Variants in OPCML observed in about 807,000 individuals in gnomAD.
The protein encoded by OPCML is opioid binding protein/cell adhesion molecule like.
A neutral mutation model predicts 37.8 loss-of-function variants in OPCML; 13 were observed. The ratio of observed to expected loss-of-function variants is 0.34; its 90% CI spans 0.22 to 0.55. OPCML has a LOEUF of 0.55. Ranked by LOEUF, OPCML falls within the 20% of genes least tolerant of loss-of-function variation. The pLI is 0.91. For missense variants in OPCML, 341 were observed against 435.6 expected, an observed-to-expected ratio of 0.78 and a Z score of 1.93; for synonymous variants, 176 against 168.8, an observed-to-expected ratio of 1.04 and a Z score of -0.33.
chr11:132,472,315 A>G (rs1003878908), intron 4 of OPCML, among the ~76,000 whole-genome samples: 1 of 152,172 alleles, frequency 6.6e-6, no homozygotes, highest in African/African-American at 2.4e-5. Context: ...TAAGCACTCC[A>G]CAAAAATCTG....
At chr11:132,817,984 C>T (rs1220191898) in intron 2 of OPCML, among the ~76,000 whole-genome samples, 1 of 152,174 alleles carries the variant, frequency 6.6e-6, no homozygotes, top group Non-Finnish European at 1.5e-5. Flanking sequence ...TCTAAGTTGA[C>T]ATCTGATAGA....
At chr11:133,098,943 A>G (rs1352928220) in intron 1 of OPCML, among the ~76,000 whole-genome samples, 1 of 152,222 alleles carries the variant, frequency 6.6e-6, no homozygotes, top group Admixed American at 6.5e-5. Flanking sequence ...ACAACAACAA[A>G]AAAGAGAAAC....
intron 2 of OPCML, among the ~76,000 whole-genome samples, chr11:132,839,772 C>G (rs988189235): frequency 6.6e-6 from 1 of 152,168 alleles, no homozygotes; most frequent in East Asian, 1.9e-4. Context: ...GTTGCTTTTT[C>G]AATTATTCGG....
At chr11:132,889,776 T>C (rs1296052229) in intron 2 of OPCML, among the ~76,000 whole-genome samples, 1 of 152,342 alleles carries the variant, frequency 6.6e-6, no homozygotes, top group Middle Eastern at 3.4e-3. Context: ...ATGAGGTTTG[T>C]CTGAATAAAT....
intron 2 of OPCML, among the ~76,000 whole-genome samples, chr11:132,868,169 C>T (rs1192912039): frequency 2.0e-5 from 3 of 151,972 alleles, no homozygotes; most frequent in Non-Finnish European, 4.4e-5. Flanking sequence ...AACTGAGGCA[C>T]CAAGAGCTGC....
chr11:133,282,447 C>T (rs1157834754), intron 1 of OPCML, among the ~76,000 whole-genome samples: 2 of 152,220 alleles, frequency 1.3e-5, no homozygotes, highest in Non-Finnish European at 2.9e-5. Flanking sequence ...ATGAAGGAAG[C>T]CTGGCAGCTT....
intron 1 of OPCML, among the ~76,000 whole-genome samples, chr11:133,204,090 G>GAAAAAAA (rs1938929504): frequency 8.9e-6 from 1 of 112,174 alleles, no homozygotes. Context: ...AAAAAAAAAT[G>GAAAAAAA]CAAAGGACAA....
chr11:132,529,124 G>A lies in OPCML; in HGVS notation c.442C>T (p.Leu148=). Residue 148 remains leucine, a synonymous_variant, in exon 4 of 8, where the codon CTG becomes TTG. Coordinates refer to ENST00000524381, the MANE Select transcript of OPCML (RefSeq NM_001012393.5). ...ITVNEGSSVT[L]LCLAIGRPEP... ...GGTCTGCCAATAGCAAGACACAGCA[G>A]GGTCACACTGCTTCCCTCATTCACA... The A allele has an allele frequency of 6.2e-7, 1 of 1,613,510 alleles. No individual in the cohort carries two copies. The highest frequency in any genetic ancestry group is 8.5e-7 in the Non-Finnish European group (1 of 1,179,656).
At chr11:133,495,370 G>A (rs1947763110) in intron 1 of OPCML, among the ~76,000 whole-genome samples, 1 of 152,222 alleles carries the variant, frequency 6.6e-6, no homozygotes, top group Non-Finnish European at 1.5e-5. Flanking sequence ...ACATGCGTAT[G>A]CAAGTATATT....
intron 1 of OPCML, among the ~76,000 whole-genome samples, chr11:133,395,192 A>AGATC (rs1945259842): frequency 6.6e-6 from 1 of 152,196 alleles, no homozygotes; most frequent in South Asian, 2.1e-4. Context: ...ATGTCTATGC[A>AGATC]GATCTTTTGC....
At chr11:132,638,311 G>C (rs1186939649) in intron 3 of OPCML, among the ~76,000 whole-genome samples, 1 of 151,522 alleles carries the variant, frequency 6.6e-6, no homozygotes, top group African/African-American at 2.4e-5. Flanking sequence ...GTATTTAATA[G>C]CTATAATAGA....
intron 1 of OPCML, among the ~76,000 whole-genome samples, chr11:133,152,577 C>CT (rs546627664): frequency 3.3e-5 from 5 of 151,910 alleles, no homozygotes; most frequent in African/African-American, 9.7e-5. Context: ...TGATCCCCCC[C>CT]CAACCTCCAC....
chr11:132,827,570 A>T (rs1940427536), intron 2 of OPCML, among the ~76,000 whole-genome samples: 1 of 152,184 alleles, frequency 6.6e-6, no homozygotes, highest in Non-Finnish European at 1.5e-5. Context: ...ATTTACCTCA[A>T]TGAGCTGATA....
chr11:132,720,185 G>C (rs901847701), intron 2 of OPCML, among the ~76,000 whole-genome samples: 3 of 152,166 alleles, frequency 2.0e-5, no homozygotes, highest in African/African-American at 7.2e-5. Flanking sequence ...TGCATGCATT[G>C]GTAAAGTCAT....
At chr11:133,505,911 G>A (rs1369048391) in intron 1 of OPCML, among the ~76,000 whole-genome samples, 1 of 152,154 alleles carries the variant, frequency 6.6e-6, no homozygotes, top group East Asian at 1.9e-4. Flanking sequence ...TTTTCCAAAT[G>A]AGCTGAGGAC....
chr11:132,939,407 T>G (rs184533850), intron 2 of OPCML, among the ~76,000 whole-genome samples: 1 of 152,310 alleles, frequency 6.6e-6, no homozygotes, highest in East Asian at 1.9e-4. Flanking sequence ...AAAAGAGCCA[T>G]TAAGCATAAT....
At chr11:133,139,572 T>C (rs770663515) in intron 1 of OPCML, among the ~76,000 whole-genome samples, 3 of 152,222 alleles carry the variant, frequency 2.0e-5, no homozygotes, top group Admixed American at 6.5e-5. Context: ...TTTGTTTTTA[T>C]TGGGGTTCTG....
At chr11:133,000,238 G>A (rs909266379) in intron 1 of OPCML, among the ~76,000 whole-genome samples, 11 of 151,882 alleles carry the variant, frequency 7.2e-5, no homozygotes, top group Non-Finnish European at 1.5e-4. Flanking sequence ...TCAGCCTCCC[G>A]AGTAGCTGGG....
At position 132,943,504 on chromosome 11, in the gene OPCML, AAAG is replaced by A. The variant is rs376280745; in HGVS notation, c.62-497_62-495del. The A allele has an allele frequency of 2.0e-3, 449 of 224,444 alleles. 5 individuals are homozygous for A. Among genetic ancestry groups the A allele is most frequent in the African/African-American group, 9.3e-3 (422 of 45,154 alleles). The allele number at this position is 224,444 out of a possible 1,614,324, so 13.9% of individuals were successfully genotyped here. Reference sequence around the variant, plus strand: ...CTCTGGCATCAAAAGTTTATAACCCAAAGAAGAAGGCAAGTGTCTCTGACATAC... The same window carrying A: ...CTCTGGCATCAAAAGTTTATAACCCAAAGAAGGCAAGTGTCTCTGACATAC... On this transcript the variant is annotated intron_variant, in intron 1 of 7. Transcript: ENST00000524381. The surrounding 1 kb of genome is among the most constrained non-coding windows in gnomAD (Gnocchi z 4.3).
Sources: allele counts gnomAD v4.1 joint callset (sites outside exome capture counted in the v4.1 genomes callset), GRCh38; gene constraint gnomAD v4.1.1; non-coding constraint Gnocchi (gnomAD v3.1); transcripts MANE v1.5; gene names NCBI Gene and HGNC (gene_info 2026-07-23, HGNC 2026-07-21).